CAMTA1: variants seen among roughly 807,000 people sequenced by gnomAD.
The protein encoded by CAMTA1 is calmodulin-binding transcription activator 1.
In CAMTA1, 27 loss-of-function variants were observed where a neutral mutation model predicts 170.9. That is an observed-to-expected ratio of 0.16 (90% confidence interval 0.12 to 0.22). CAMTA1 has a LOEUF of 0.22. CAMTA1 is among the 10% of genes least tolerant of loss of function. The pLI is 1.00. For missense variants in CAMTA1, 1,619 were observed against 2,217.2 expected (o/e 0.73, Z 5.42); for synonymous variants, 833 against 891.5 (o/e 0.93, Z 1.17).
chr1:7,277,764 CA>C lies in CAMTA1; in HGVS notation c.438+28139del, dbSNP rs1557426880. ...TCTGAATGCTTTTCACATACACACA[CA>C]TACACACACTTTTTTTTTTTACTAA... On this transcript the variant is annotated intron_variant, in intron 5 of 22. Coordinates refer to ENST00000303635, the MANE Select transcript of CAMTA1 (RefSeq NM_015215.4). 3.1e-3 allele frequency among the ~76,000 whole-genome samples: 393 copies of C among 125,742 alleles called. 17 individuals carry two copies. The East Asian group carries it at 0.08, about 25-fold the overall frequency. The allele number at this position is 125,742 out of a possible 152,430, so 82.5% of individuals were successfully genotyped here.
rs372313883 is a variant in CAMTA1, at chr1:7,048,152, T to A, written c.235-43152T>A. On this transcript the variant is annotated intron_variant, in intron 3 of 22. Coordinates refer to ENST00000303635, the MANE Select transcript of CAMTA1 (RefSeq NM_015215.4). ...GGAGGGTGGAGGCTTCCTGGACTTG[T>A]GGGGATCAAGATTTTCTCTTTTGCT... Among the ~76,000 whole-genome samples, 6 of 152,132 alleles carry A rather than the reference T, an allele frequency of 3.9e-5. No individual in the cohort carries two copies. In the East Asian group the frequency reaches 7.8e-4, roughly 20 times the overall value.
At chr1:7,172,047 A>G (rs1051628872) in intron 4 of CAMTA1, among the ~76,000 whole-genome samples, 15 of 151,398 alleles carry the variant, frequency 9.9e-5, no homozygotes, top group African/African-American at 3.6e-4. Flanking sequence ...TCCCTGTTCC[A>G]TTTTTCCTTT....
At chr1:6,898,874 C>A (rs1336728553) in intron 3 of CAMTA1, among the ~76,000 whole-genome samples, 1 of 152,064 alleles carries the variant, frequency 6.6e-6, no homozygotes, top group Non-Finnish European at 1.5e-5. Flanking sequence ...AACATGGGGC[C>A]CCCTGGTTTG....
At chr1:6,802,649 G>A (rs1644003704) in intron 1 of CAMTA1, among the ~76,000 whole-genome samples, 1 of 152,230 alleles carries the variant, frequency 6.6e-6, no homozygotes. Context: ...AAGGCCAAGT[G>A]TCCTTGGTCA....
rs1234823199 is a variant in CAMTA1, at chr1:7,176,644, G to A, written c.303-72847G>A. ...TTAGCCATTGGGATAGACAGATGCT[G>A]AGGGCATAGGAGCACTCACGGGTTT... is the stretch of plus-strand genomic sequence containing the variant. On this transcript the variant is annotated intron_variant, in intron 4 of 22. Coordinates refer to ENST00000303635, the MANE Select transcript of CAMTA1 (RefSeq NM_015215.4). 2.0e-5 allele frequency among the ~76,000 whole-genome samples: 3 copies of A among 152,346 alleles called. No homozygotes were observed. In the East Asian group the frequency reaches 5.8e-4, roughly 29 times the overall value.
rs1193280233 is a variant in CAMTA1 at position 7,658,710 on chromosome 1, C to T, written c.665-3016C>T. ...ACCCCTCATCTTGCCTCCACCAGGT[C>T]CTTTCTGCAGTAATCTGTCTTCTGT... On this transcript the variant is annotated intron_variant, in intron 7 of 22. Transcript: ENST00000303635. 2.0e-5 allele frequency among the ~76,000 whole-genome samples: 3 copies of T among 152,200 alleles called. No homozygotes were observed. In the East Asian group the frequency reaches 5.8e-4, roughly 29 times the overall value.
chr1:7,737,029 A>C lies in CAMTA1; in HGVS notation c.3342+20A>C, dbSNP rs767506954. ...CCTCTGGTAAGGAATGGATTCCTGT[A>C]GCCCCCCCTTGCTGTTCTTCCAGTC... is the stretch of plus-strand genomic sequence containing the variant. On this transcript the variant is annotated intron_variant, in intron 14 of 22. Transcript: ENST00000303635. 6.3e-7 allele frequency: 1 copy of C among 1,574,862 alleles called. No homozygotes were observed. The highest frequency in any genetic ancestry group is 2.2e-5 in the East Asian group (1 of 44,634).
chr1:6,926,727 T>C (rs1683356438), intron 3 of CAMTA1, among the ~76,000 whole-genome samples: 1 of 148,978 alleles, frequency 6.7e-6, no homozygotes, highest in Non-Finnish European at 1.5e-5. Flanking sequence ...CTCTTTTCTT[T>C]CTTTCTTTCT....
chr1:7,457,041 G>A (rs879859015), intron 5 of CAMTA1, among the ~76,000 whole-genome samples: 3 of 31,956 alleles, frequency 9.4e-5, no homozygotes, highest in Admixed American at 3.1e-4. Context: ...CCCCTCACCC[G>A]CCCCGCCCCC....
chr1:7,353,447 C>A (rs1353921111), intron 5 of CAMTA1, among the ~76,000 whole-genome samples: 1 of 117,868 alleles, frequency 8.5e-6, no homozygotes, highest in Non-Finnish European at 1.7e-5. Context: ...TTTTTTGAGA[C>A]GGAGTTTTAC....
chr1:7,433,171 A>G (rs9988557), intron 5 of CAMTA1, among the ~76,000 whole-genome samples: 82,940 of 152,208 alleles, frequency 0.54, 24,459 homozygotes, highest in East Asian at 0.76. Context: ...CCCAGGAAAT[A>G]GGCCAGCCTA....
At chr1:7,247,196 C>CT (rs566865750) in intron 4 of CAMTA1, among the ~76,000 whole-genome samples, 11 of 152,350 alleles carry the variant, frequency 7.2e-5, no homozygotes, top group African/African-American at 2.6e-4. Context: ...AAGCTGGACA[C>CT]TTAAGTTCCC....
intron 3 of CAMTA1, among the ~76,000 whole-genome samples, chr1:6,943,791 G>C (rs1237810642): frequency 7.0e-6 from 1 of 143,078 alleles, no homozygotes; most frequent in South Asian, 2.2e-4. Context: ...AGGTTGCAGT[G>C]AGCCGAAATC....
intron 4 of CAMTA1, among the ~76,000 whole-genome samples, chr1:7,217,916 A>G (rs1660046109): frequency 6.6e-6 from 1 of 152,146 alleles, no homozygotes; most frequent in Non-Finnish European, 1.5e-5. Flanking sequence ...AAATATATTA[A>G]ATGTTCCCCA....
chr1:7,186,179 A>G (rs2148915072), intron 4 of CAMTA1, among the ~76,000 whole-genome samples: 1 of 152,268 alleles, frequency 6.6e-6, no homozygotes, highest in South Asian at 2.1e-4. Flanking sequence ...AGAGCAAAAG[A>G]GAGAGAGGGA....
rs1433127330 is a variant in CAMTA1 at position 7,745,992 on chromosome 1, G to C, written c.4518G>C (p.Lys1506Asn). ...SEFLSASTSE[K>N]VENEFAQLTL... ...TCCTGAGTGCATCTACCAGTGAGAA[G>C]GTAGAGAATGAGTTTGCTCAGCTCA... The change falls in exon 18 of 23, where the codon AAG (lysine) becomes AAC (asparagine). Residue 1506 changes from lysine (K) to asparagine (N), a missense_variant. By Grantham distance (94) the Lys-to-Asn change is moderately conservative (BLOSUM62 0). This residue lies in a region of CAMTA1 where 128 missense variants were observed against 213.5 expected (regional missense o/e 0.60). Coordinates refer to ENST00000303635, the MANE Select transcript of CAMTA1 (RefSeq NM_015215.4). 6.2e-7 allele frequency: 1 copy of C among 1,614,084 alleles called. No homozygotes were observed. Among genetic ancestry groups the C allele is most frequent in the Non-Finnish European group, 8.5e-7 (1 of 1,180,046 alleles).
chr1:7,741,949 T>G (rs1430646083), intron 16 of CAMTA1, among the ~76,000 whole-genome samples: 2 of 151,370 alleles, frequency 1.3e-5, no homozygotes, highest in Non-Finnish European at 2.9e-5. Context: ...GGGTTGTTTT[T>G]TTTTTTTTTT....
At chr1:7,446,544 G>A (rs763976756) in intron 5 of CAMTA1, among the ~76,000 whole-genome samples, 6 of 152,174 alleles carry the variant, frequency 3.9e-5, no homozygotes, top group South Asian at 2.1e-4. Flanking sequence ...GGGTGGCCAC[G>A]GACTTGCCTA....
At chr1:7,319,766 T>C (rs1574651352) in intron 5 of CAMTA1, among the ~76,000 whole-genome samples, 1 of 152,238 alleles carries the variant, frequency 6.6e-6, no homozygotes, top group African/African-American at 2.4e-5. Flanking sequence ...ATAAAGTCCT[T>C]GCTCTCAATG....
Sources: gnomAD v4.1 joint callset for allele counts (sites outside exome capture counted in the v4.1 genomes callset) on GRCh38, gnomAD v4.1.1 for gene constraint, gnomAD v4.1.1 regional missense constraint, MANE v1.5 for transcripts, NCBI Gene and HGNC (gene_info 2026-07-23, HGNC 2026-07-21) for gene names.